The following PDE7B variants were observed in gnomAD, a reference collection of about 807,000 sequenced individuals.
PDE7B encodes 3',5'-cyclic-AMP phosphodiesterase 7B.
Under a neutral mutation model 56.2 loss-of-function variants are expected in PDE7B, and 29 were observed. The ratio of observed to expected loss-of-function variants is 0.52; its 90% CI spans 0.38 to 0.70. The LOEUF is 0.70. Ranked by LOEUF, PDE7B falls within the 30% of genes least tolerant of loss-of-function variation. The pLI, the probability that PDE7B is intolerant of heterozygous loss-of-function variation, is 0.00. For missense variants in PDE7B, 490 were observed against 565.0 expected (o/e 0.87, Z 1.35); for synonymous variants, 197 against 196.9 (o/e 1.00, Z 0.00).
intron 1 of PDE7B, among the ~76,000 whole-genome samples, chr6:135,925,679 A>C (rs1774171472): frequency 6.6e-6 from 1 of 152,208 alleles, no homozygotes; most frequent in Non-Finnish European, 1.5e-5. Flanking sequence ...AAAAAAGCAA[A>C]AGCCCTGGTT....
At chr6:135,993,620 T>A (rs1442709958) in intron 2 of PDE7B, among the ~76,000 whole-genome samples, 1 of 152,222 alleles carries the variant, frequency 6.6e-6, no homozygotes, top group Non-Finnish European at 1.5e-5. Flanking sequence ...GGAGGCCTTG[T>A]GTAATTTCAA....
chr6:136,161,142 C>T (rs1778696571), intron 8 of PDE7B, among the ~76,000 whole-genome samples: 1 of 152,014 alleles, frequency 6.6e-6, no homozygotes, highest in Non-Finnish European at 1.5e-5. Context: ...CTCTCTAATT[C>T]CTCTCTTACT....
intron 3 of PDE7B, among the ~76,000 whole-genome samples, chr6:136,127,520 T>C (rs994870074): frequency 1.3e-5 from 2 of 152,196 alleles, no homozygotes; most frequent in African/African-American, 4.8e-5. Context: ...TCTACTATTA[T>C]TACAGAAGTG....
chr6:136,172,535 C>T (rs994741190), intron 8 of PDE7B, among the ~76,000 whole-genome samples: 5 of 152,008 alleles, frequency 3.3e-5, no homozygotes, highest in African/African-American at 1.2e-4. Flanking sequence ...TGGATATTAG[C>T]CCTTTGTCAG....
chr6:135,880,725 A>G (rs959783354), intron 1 of PDE7B, among the ~76,000 whole-genome samples: 1 of 152,212 alleles, frequency 6.6e-6, no homozygotes, highest in African/African-American at 2.4e-5. Flanking sequence ...CAAGATTGCT[A>G]TGCAAAAGAA....
In PDE7B at chr6:136,080,176, T is replaced by C. The variant is rs147308111; in HGVS notation, c.83-28555T>C. On this transcript the variant is annotated intron_variant, in intron 2 of 12. Transcript: ENST00000308191. ...TTCCCTGTGTCTCTAGAGAACAGGATGCAAAATTAAATTCCAAGCTCGTTC... is the reference window on the plus strand; with the variant it reads ...TTCCCTGTGTCTCTAGAGAACAGGACGCAAAATTAAATTCCAAGCTCGTTC... Among the ~76,000 whole-genome samples the C allele has an allele frequency of 5.7e-3, 861 of 152,288 alleles. 4 individuals carry two copies. Among genetic ancestry groups the C allele is most frequent in the Non-Finnish European group, 8.4e-3 (568 of 68,014 alleles).
At chr6:136,090,280 C>T (rs879868261) in intron 2 of PDE7B, among the ~76,000 whole-genome samples, 1 of 152,116 alleles carries the variant, frequency 6.6e-6, no homozygotes, top group Non-Finnish European at 1.5e-5. Context: ...AGAAAAGACC[C>T]AGGAGGATGT....
intron 2 of PDE7B, among the ~76,000 whole-genome samples, chr6:136,020,643 T>A (rs892916657): frequency 6.6e-6 from 1 of 151,806 alleles, no homozygotes; most frequent in Admixed American, 6.6e-5. Flanking sequence ...CATTGAAGAT[T>A]GAATTTTCTG....
chr6:135,913,273 T>C (rs904838665), intron 1 of PDE7B, among the ~76,000 whole-genome samples: 2 of 152,120 alleles, frequency 1.3e-5, no homozygotes, highest in African/African-American at 4.8e-5. Flanking sequence ...CAGCTGGTAA[T>C]GTCTGGATTT....
intron 2 of PDE7B, among the ~76,000 whole-genome samples, chr6:136,060,837 C>A (rs201996181): frequency 5.3e-5 from 8 of 152,194 alleles, no homozygotes; most frequent in East Asian, 3.8e-4. Context: ...GCCTAGAGTT[C>A]TTTTCACTTC....
At position 136,151,257 on chromosome 6, in the gene PDE7B, TAA is replaced by T. The variant is rs749394896; in HGVS notation, c.478+3_478+4del. On this transcript the variant is annotated splice_donor_region_variant and intron_variant, in intron 6 of 12. Transcript: ENST00000308191. ...TGGTGACCTTACACCGATTTTTAGG[TAA>T]GTCCTTTTTTTCACATTTCTAGCCC... The T allele has an allele frequency of 6.6e-7, 1 of 1,504,580 alleles. No individual in the cohort carries two copies. The allele number at this position is 1,504,580 out of a possible 1,614,324, so 93.2% of individuals were successfully genotyped here. A position where few individuals can be genotyped will look rare whatever the true frequency, so the allele number is the denominator to read the frequency against.
intron 2 of PDE7B, among the ~76,000 whole-genome samples, chr6:135,975,195 G>A (rs923795363): frequency 2.0e-5 from 3 of 150,442 alleles, no homozygotes; most frequent in Non-Finnish European, 4.4e-5. Context: ...AGATGTCTGT[G>A]TAAAATATAC....
At chr6:135,928,423 A>C (rs201416037) in intron 1 of PDE7B, among the ~76,000 whole-genome samples, 2 of 133,848 alleles carry the variant, frequency 1.5e-5, no homozygotes, top group East Asian at 4.2e-4. Flanking sequence ...AATAAAGAAA[A>C]TGTGATTATA....
At position 136,151,189 on chromosome 6, in the gene PDE7B, C is replaced by G. The variant is rs543948222; in HGVS notation, c.412C>G (p.Leu138Val). ...CAGCCTGGTAACACTGTTGTGCCAC[C>G]TCTTCAATACCCATGGACTCATTCA... ...GNSLVTLLCHLFNTHGLIHHF... is the reference protein window; with the variant it reads ...GNSLVTLLCHVFNTHGLIHHF... The change falls in exon 6 of 13, where the codon CTC becomes GTC. Residue 138 changes from leucine to valine, a missense_variant. Transcript: ENST00000308191. 29 of 1,610,916 alleles carry G rather than the reference C, an allele frequency of 1.8e-5. No individual in the cohort carries two copies. The highest frequency in any genetic ancestry group is 2.4e-5 in the Non-Finnish European group (28 of 1,177,328).
intron 1 of PDE7B, among the ~76,000 whole-genome samples, chr6:135,926,085 T>TGGGG (rs948738463): frequency 2.5e-3 from 41 of 16,134 alleles, no homozygotes; most frequent in Non-Finnish European, 4.5e-3. Flanking sequence ...TTCTTTTTTT[T>TGGGG]GGGGGGGGGG....
chr6:136,093,619 A>T (rs186134057), intron 2 of PDE7B, among the ~76,000 whole-genome samples: 4 of 152,284 alleles, frequency 2.6e-5, no homozygotes, highest in Non-Finnish European at 5.9e-5. Context: ...CCTTTTCCAG[A>T]GAGGCCCATG....
chr6:136,048,000 C>A (rs1339154654), intron 2 of PDE7B, among the ~76,000 whole-genome samples: 2 of 152,082 alleles, frequency 1.3e-5, no homozygotes, highest in Admixed American at 6.5e-5. Context: ...CTATCATGTG[C>A]CACATAGTTT....
chr6:136,125,260 T>C (rs993220288), intron 3 of PDE7B, among the ~76,000 whole-genome samples: 4 of 152,190 alleles, frequency 2.6e-5, no homozygotes, highest in African/African-American at 7.2e-5. Context: ...TTTTTATTGA[T>C]ACTAATTTTA....
At chr6:136,170,634 C>T (rs559734759) in intron 8 of PDE7B, among the ~76,000 whole-genome samples, 1 of 152,146 alleles carries the variant, frequency 6.6e-6, no homozygotes, top group South Asian at 2.1e-4. Context: ...GAGTAATTTA[C>T]AAGGAAGCAA....
Sources: allele counts gnomAD v4.1 joint callset (sites outside exome capture counted in the v4.1 genomes callset), GRCh38; gene constraint gnomAD v4.1.1; transcripts MANE v1.5; gene names NCBI Gene and HGNC (gene_info 2026-07-23, HGNC 2026-07-21).